The following COG5 variants were observed in gnomAD, a reference collection of about 807,000 sequenced individuals.
COG5 encodes the protein conserved oligomeric Golgi complex subunit 5.
In COG5, 86 loss-of-function variants were observed where a neutral mutation model predicts 110.4. The observed-to-expected ratio is 0.78, with a 90% CI of 0.65 to 0.93. The LOEUF is 0.93. Among genes scored for constraint, COG5 ranks in the 40% least tolerant of loss-of-function variants. The pLI is 0.00. For synonymous variants in COG5, 360 were observed against 334.6 expected, an observed-to-expected ratio of 1.08 and a Z score of -0.83; for missense variants, 1,077 against 987.0, an observed-to-expected ratio of 1.09 and a Z score of -1.22.
rs549809571 is a variant in COG5 at position 107,352,504 on chromosome 7, T to TA, written c.1026+9528dup. Among the ~76,000 whole-genome samples the TA allele has an allele frequency of 8.7e-3, 1,132 of 130,216 alleles. 7 individuals carry two copies. Among genetic ancestry groups the TA allele is most frequent in the South Asian group, 0.018 (73 of 4,076 alleles). 85.4% of individuals were successfully genotyped at this position (130,216 alleles called of 152,430 possible). A position where few individuals can be genotyped will look rare whatever the true frequency, so the allele number is the denominator to read the frequency against. ...AAAATGGTCCTTTGCAAGGTAATTG[T>TA]AAAAAAAAAACAAAAAAAAAACCAG... On this transcript the variant is annotated intron_variant, in intron 10 of 21. Coordinates refer to ENST00000297135, the MANE Select transcript of COG5 (RefSeq NM_006348.5).
chr7:107,455,815 C>T (rs1795630990), intron 6 of COG5, among the ~76,000 whole-genome samples: 1 of 150,802 alleles, frequency 6.6e-6, no homozygotes, highest in African/African-American at 2.4e-5. Flanking sequence ...GTTTTTGAGA[C>T]AGAGTCTCAC....
At chr7:107,400,149 T>G (rs371583704) in intron 7 of COG5, among the ~76,000 whole-genome samples, 1 of 152,044 alleles carries the variant, frequency 6.6e-6, no homozygotes, top group Non-Finnish European at 1.5e-5. Context: ...AGTCTTAAAG[T>G]AGAAATAACC....
intron 7 of COG5, among the ~76,000 whole-genome samples, chr7:107,381,026 A>G (rs980035986): frequency 3.3e-5 from 5 of 152,116 alleles, no homozygotes. Context: ...TAGAACCCAT[A>G]AATTCCCACA....
At chr7:107,451,626 G>A (rs538101141) in intron 6 of COG5, among the ~76,000 whole-genome samples, 12 of 152,056 alleles carry the variant, frequency 7.9e-5, no homozygotes, top group Non-Finnish European at 1.0e-4. Flanking sequence ...AGACAAAACC[G>A]ACACTTCTTC....
At chr7:107,261,722 C>T (rs899294595) in intron 14 of COG5, among the ~76,000 whole-genome samples, 2 of 152,144 alleles carry the variant, frequency 1.3e-5, no homozygotes, top group African/African-American at 2.4e-5. Context: ...TTATCTTCTT[C>T]CATGGTCACA....
chr7:107,277,921 G>A (rs1035377425), intron 14 of COG5, among the ~76,000 whole-genome samples: 7 of 151,668 alleles, frequency 4.6e-5, no homozygotes, highest in East Asian at 3.9e-4. Context: ...AGTATATAAC[G>A]CACTCTATAT....
intron 6 of COG5, among the ~76,000 whole-genome samples, chr7:107,517,964 G>A (rs1276934087): frequency 6.6e-6 from 1 of 152,084 alleles, no homozygotes; most frequent in East Asian, 1.9e-4. Flanking sequence ...CCAAAGTGCT[G>A]GGATTACAGG....
At chr7:107,546,442 T>TG (rs998390160) in intron 5 of COG5, among the ~76,000 whole-genome samples, 3 of 146,946 alleles carry the variant, frequency 2.0e-5, no homozygotes, top group African/African-American at 4.9e-5. Context: ...TTTGTTTTTT[T>TG]TTTTTTTTTT....
chr7:107,473,029 T>A (rs1439423784), intron 6 of COG5: 1 of 151,982 alleles, frequency 6.6e-6, no homozygotes, highest in African/African-American at 2.4e-5. Flanking sequence ...TATTTTTTTT[T>A]AATTTTTCTT....
At chr7:107,500,217 T>C (rs556157903) in intron 6 of COG5, among the ~76,000 whole-genome samples, 1 of 152,298 alleles carries the variant, frequency 6.6e-6, no homozygotes, top group East Asian at 1.9e-4. Flanking sequence ...TTCTATCCAA[T>C]TGTTCTTTCC....
At chr7:107,544,315 G>C (rs547717651) in intron 5 of COG5, among the ~76,000 whole-genome samples, 1 of 152,266 alleles carries the variant, frequency 6.6e-6, no homozygotes, top group East Asian at 1.9e-4. Flanking sequence ...GGCTCCTGCA[G>C]ATTCAAGCTA....
chr7:107,243,069 C>G (rs1053129955), intron 17 of COG5, among the ~76,000 whole-genome samples: 16 of 152,154 alleles, frequency 1.1e-4, no homozygotes, highest in African/African-American at 3.9e-4. Context: ...TCAGACAAAA[C>G]AAATTTCAAA....
At chr7:107,258,546 C>A in intron 14 of COG5, 163 bp from the exon 15 acceptor site, 1 of 639,966 alleles carries the variant, frequency 1.6e-6, no homozygotes, top group Non-Finnish European at 2.8e-6. Flanking sequence ...ATATTCAGGT[C>A]AACTTAAAGC....
At chr7:107,275,396 T>A (rs1167677070) in intron 14 of COG5, among the ~76,000 whole-genome samples, 2 of 151,912 alleles carry the variant, frequency 1.3e-5, no homozygotes, top group African/African-American at 4.8e-5. Flanking sequence ...CTGATTTGTT[T>A]CATCTGTTTG....
intron 6 of COG5, among the ~76,000 whole-genome samples, chr7:107,419,819 C>T (rs950327375): frequency 2.0e-5 from 3 of 152,124 alleles, no homozygotes; most frequent in South Asian, 2.1e-4. Context: ...CCACCCGCCT[C>T]GGCCTCCCAA....
chr7:107,281,505 T>C lies in COG5; in HGVS notation c.1476-106A>G. ...CAATAAGCAATGTGGTTATTCTTTTTATAGATTTCACTGCTTCCAAGAACT... is the reference window on the plus strand; with the variant it reads ...CAATAAGCAATGTGGTTATTCTTTTCATAGATTTCACTGCTTCCAAGAACT... On this transcript the variant is annotated intron_variant, in intron 13 of 21. Coordinates refer to ENST00000297135, the MANE Select transcript of COG5 (RefSeq NM_006348.5). 8.3e-6 allele frequency: 7 copies of C among 839,338 alleles called. No individual in the cohort carries two copies. The South Asian group carries it at 1.0e-4, about 12-fold the overall frequency. The allele number at this position is 839,338 out of a possible 1,614,324, so 52.0% of individuals were successfully genotyped here.
intron 10 of COG5, among the ~76,000 whole-genome samples, chr7:107,340,330 A>G (rs1210174628): frequency 1.3e-5 from 2 of 152,110 alleles, no homozygotes; most frequent in African/African-American, 2.4e-5. Context: ...TCAGGAAGAA[A>G]CTGGAACCCT....
intron 19 of COG5, among the ~76,000 whole-genome samples, chr7:107,220,743 T>C (rs370350564): frequency 1.3e-5 from 2 of 152,144 alleles, no homozygotes; most frequent in South Asian, 2.1e-4. Flanking sequence ...CAAGTTCATA[T>C]TGTAGGTCTG....
Position 107,258,296 on chromosome 7 carries a change from T to G in COG5, c.1663A>C (p.Lys555Gln), listed in dbSNP as rs145616048. 3 of 1,609,958 alleles carry G rather than the reference T, an allele frequency of 1.9e-6. No individual in the cohort carries two copies. Among genetic ancestry groups the G allele is most frequent in the Non-Finnish European group, 2.6e-6 (3 of 1,176,332 alleles). The change falls in exon 15 of 22, where the codon AAG becomes CAG. Residue 555 changes from lysine to glutamine, a missense_variant. Coordinates refer to ENST00000297135, the MANE Select transcript of COG5 (RefSeq NM_006348.5). ...RNVAVVNSLY[K>Q]LHQSVTKVVS... The stretch of plus-strand genomic sequence containing the variant: ...ACCTTTGTTACTGATTGGTGCAACT[T>G]ATACAATGAATTCACTACTGCCACA...
Sources: gnomAD v4.1 joint callset for allele counts (sites outside exome capture counted in the v4.1 genomes callset) on GRCh38, gnomAD v4.1.1 for gene constraint, MANE v1.5 for transcripts, NCBI Gene and HGNC (gene_info 2026-07-23, HGNC 2026-07-21) for gene names.